Variants in MYLK observed in about 807,000 individuals in gnomAD.
The protein encoded by MYLK is myosin light chain kinase, also known as myosin light chain kinase, smooth muscle.
A neutral mutation model predicts 203.4 loss-of-function variants in MYLK; 106 were observed. That is an observed-to-expected ratio of 0.52 (90% CI 0.45 to 0.61). The LOEUF (loss-of-function observed/expected upper bound fraction) is 0.61, where lower values mean the gene tolerates loss of function less well. MYLK is among the 20% of genes least tolerant of loss of function. MYLK has a pLI of 0.00. For synonymous variants in MYLK, 867 were observed against 959.5 expected (o/e 0.90, Z 1.78); for missense variants, 2,072 against 2,442.3 (o/e 0.85, Z 3.20).
At chr3:123,871,405 C>A (rs13096686) in intron 2 of MYLK, among the ~76,000 whole-genome samples, 15,256 of 151,934 alleles carry the variant, frequency 0.1, 891 homozygotes, top group Middle Eastern at 0.22. Context: ...TTGAAAGAAC[C>A]AATAAAATTC....
chr3:123,700,373 G>T lies in MYLK; in HGVS notation c.3095C>A (p.Ala1032Asp). The T allele has an allele frequency of 6.2e-7, 1 of 1,613,698 alleles. No homozygotes were observed. Among genetic ancestry groups the T allele is most frequent in the East Asian group, 2.2e-5 (1 of 44,832 alleles). The change falls in exon 18 of 34, where the codon GCT becomes GAT. Residue 1032 changes from alanine to aspartate, a missense_variant. Physicochemically the swap from Ala to Asp is moderately radical, Grantham distance 126. Around this residue, in one of 3 missense-constraint regions of MYLK, gnomAD observed 865 missense variants for 1,016.0 expected, o/e 0.85. Transcript: ENST00000360304. ...GTTGCCCATTGGCTTCAGGGTCTCAGCAGGCTTGGCGTTGCCCACGGGTTT... is the reference window on the plus strand; with the variant it reads ...GTTGCCCATTGGCTTCAGGGTCTCATCAGGCTTGGCGTTGCCCACGGGTTT... ...PLKPVGNAKP[A>D]ETLKPMGNAK...
At chr3:123,854,566 A>G (rs917638288) in intron 2 of MYLK, among the ~76,000 whole-genome samples, 4 of 152,108 alleles carry the variant, frequency 2.6e-5, no homozygotes, top group Admixed American at 6.6e-5. Context: ...TTTCCAAAAC[A>G]TATCCTTTAT....
chr3:123,677,884 A>AAGATATATATATATAT (rs2060121187), intron 20 of MYLK, among the ~76,000 whole-genome samples: 1 of 53,566 alleles, frequency 1.9e-5, no homozygotes, highest in Non-Finnish European at 3.2e-5. Context: ...TAAATAAATG[A>AAGATATATATATATAT]ATATATATAT....
intron 20 of MYLK, among the ~76,000 whole-genome samples, chr3:123,680,013 G>T (rs2060206627): frequency 6.6e-6 from 1 of 152,068 alleles, no homozygotes; most frequent in Non-Finnish European, 1.5e-5. Context: ...CAAATACTGA[G>T]GCCTGGCACC....
At position 123,612,927 on chromosome 3, in the gene MYLK, T is replaced by TTAAG. The variant is rs146691098; in HGVS notation, c.*1174_*1177dup. The TTAAG allele has an allele frequency of 0.024, 3,406 of 142,144 alleles. 194 individuals carry two copies. In the East Asian group the frequency reaches 0.27, roughly 11 times the overall value. The allele number at this position is 142,144 out of a possible 1,614,324, so 8.8% of individuals were successfully genotyped here. Reference sequence around the variant, plus strand: ...TCAAAAAGCTTTATAAAGAAAAAATTTAAGTGCCAATGTAGTGAAAGAAAG... The same window carrying TTAAG: ...TCAAAAAGCTTTATAAAGAAAAAATTTAAGTAAGTGCCAATGTAGTGAAAGAAAG... On this transcript the variant is annotated 3_prime_UTR_variant, in exon 34 of 34. Transcript: ENST00000360304.
intron 12 of MYLK, among the ~76,000 whole-genome samples, chr3:123,725,316 G>T (rs1439358714): frequency 6.6e-6 from 1 of 152,142 alleles, no homozygotes; most frequent in Non-Finnish European, 1.5e-5. Flanking sequence ...TAAAGTCAGA[G>T]TTCTCCCACA....
At position 123,806,171 on chromosome 3, in the gene MYLK, C is replaced by G. The variant is rs549660856; in HGVS notation, c.-3-12327G>C. On this transcript the variant is annotated intron_variant, in intron 3 of 33. Transcript: ENST00000360304. ...GGACAATATGCATTGCTCTCATCTT[C>G]TCAGATTCTAGGTTACTGTTTGCAC... Among the ~76,000 whole-genome samples the G allele has an allele frequency of 2.0e-5, 3 of 152,332 alleles. No individual in the cohort carries two copies. In the South Asian group the frequency reaches 6.2e-4, roughly 32 times the overall value.
chr3:123,638,731 C>G, intron 28 of MYLK: 1 of 985,050 alleles, frequency 1.0e-6, no homozygotes, highest in African/African-American at 1.7e-5. Flanking sequence ...ATGCTTACCA[C>G]CGTTCCTCCC....
At chr3:123,659,940 T>C (rs535188295) in intron 23 of MYLK, among the ~76,000 whole-genome samples, 1 of 152,278 alleles carries the variant, frequency 6.6e-6, no homozygotes, top group African/African-American at 2.4e-5. Flanking sequence ...TCCAGGAAAA[T>C]GGAGGATCCT....
At chr3:123,615,653 C>CTT (rs1553769391) in intron 33 of MYLK, among the ~76,000 whole-genome samples, 3,504 of 144,342 alleles carry the variant, frequency 0.024, 193 homozygotes, top group East Asian at 0.24. Context: ...AATTTTCTAT[C>CTT]TTTTTTTTTT....
intron 1 of MYLK, among the ~76,000 whole-genome samples, chr3:123,883,338 T>G (rs1000038045): frequency 6.6e-6 from 1 of 152,068 alleles, no homozygotes; most frequent in Non-Finnish European, 1.5e-5. Flanking sequence ...GCTCCCTGAA[T>G]CACAACAGCT....
intron 24 of MYLK, among the ~76,000 whole-genome samples, chr3:123,649,820 A>G (rs1040915732): frequency 1.3e-5 from 2 of 152,272 alleles, no homozygotes; most frequent in African/African-American, 4.8e-5. Context: ...TGAATACACA[A>G]CAGAGGAGGG....
At chr3:123,619,867 A>G (rs1362247501) in intron 32 of MYLK, among the ~76,000 whole-genome samples, 2 of 152,226 alleles carry the variant, frequency 1.3e-5, no homozygotes, top group Non-Finnish European at 2.9e-5. Flanking sequence ...TTGCCTATTA[A>G]TATAGAATAT....
chr3:123,753,894 C>T (rs568068763), intron 4 of MYLK, among the ~76,000 whole-genome samples: 29 of 152,252 alleles, frequency 1.9e-4, no homozygotes, highest in East Asian at 1.5e-3. Flanking sequence ...AGAATGGATA[C>T]GGATGAAGCA....
At chr3:123,821,407 AAAC>A (rs1332319913) in intron 3 of MYLK, among the ~76,000 whole-genome samples, 7 of 152,244 alleles carry the variant, frequency 4.6e-5, no homozygotes, top group Admixed American at 2.0e-4. Context: ...AAATGAATAA[AAAC>A]AACTTTTATC....
At chr3:123,735,275 A>T (rs1286021448) in intron 9 of MYLK, 123 bp downstream of exon 9, 3 of 1,302,880 alleles carry the variant, frequency 2.3e-6, no homozygotes, top group East Asian at 4.6e-5. Flanking sequence ...ATAAAACAAC[A>T]TCCTCCAAAT....
intron 29 of MYLK, among the ~76,000 whole-genome samples, chr3:123,633,240 C>T (rs973723731): frequency 1.1e-4 from 16 of 152,094 alleles, no homozygotes; most frequent in Admixed American, 9.2e-4. Context: ...GACCCTCCCA[C>T]CTAAGCCACC....
At chr3:123,755,856 G>C (rs2063343302) in intron 4 of MYLK, among the ~76,000 whole-genome samples, 1 of 152,134 alleles carries the variant, frequency 6.6e-6, no homozygotes, top group Non-Finnish European at 1.5e-5. Flanking sequence ...CTTGACTCTT[G>C]CAGCTATGAC....
chr3:123,882,240 C>T (rs1482654191), intron 1 of MYLK, among the ~76,000 whole-genome samples: 3 of 151,928 alleles, frequency 2.0e-5, no homozygotes, highest in Non-Finnish European at 4.4e-5. Flanking sequence ...ATGGTAGGAC[C>T]CCATCTCTAC....
Sources: allele counts gnomAD v4.1 joint callset (sites outside exome capture counted in the v4.1 genomes callset), GRCh38; gene constraint gnomAD v4.1.1; regional missense constraint gnomAD v4.1.1; transcripts MANE v1.5; gene names NCBI Gene and HGNC (gene_info 2026-07-23, HGNC 2026-07-21).